The following CPLX2 variants were observed in gnomAD, a reference collection of about 807,000 sequenced individuals.
The protein encoded by CPLX2 is complexin-2.
CPLX2 carries 5 observed loss-of-function variants against 16.3 expected under a neutral mutation model. The observed-to-expected ratio is 0.31, with a 90% CI of 0.16 to 0.64. CPLX2 has a LOEUF of 0.64. CPLX2 is among the 30% of genes least tolerant of loss of function. CPLX2 has a pLI of 0.79. For synonymous variants in CPLX2, 89 were observed against 73.2 expected (o/e 1.22, Z -1.10); for missense variants, 144 against 181.4 (o/e 0.79, Z 1.18).
intron 2 of CPLX2, among the ~76,000 whole-genome samples, chr5:175,810,841 A>C (rs1051794826): frequency 2.0e-5 from 3 of 152,358 alleles, no homozygotes; most frequent in African/African-American, 7.2e-5. Context: ...GAATTCTAAT[A>C]AACTGGTCAG....
chr5:175,867,962 C>T (rs1292477755), upstream of CPLX2, among the ~76,000 whole-genome samples: 2 of 152,232 alleles, frequency 1.3e-5, no homozygotes, highest in Admixed American at 1.3e-4. Flanking sequence ...TGGCCTAGAG[C>T]CCTTCTCTGT....
At chr5:175,842,232 A>G (rs1336075590) in intron 2 of CPLX2, among the ~76,000 whole-genome samples, 2 of 152,214 alleles carry the variant, frequency 1.3e-5, no homozygotes, top group African/African-American at 4.8e-5. Flanking sequence ...TTCAACCGAA[A>G]ACAGCAGGTG....
intron 2 of CPLX2, among the ~76,000 whole-genome samples, chr5:175,821,618 T>G (rs1036995197): frequency 3.9e-5 from 6 of 152,118 alleles, no homozygotes; most frequent in Non-Finnish European, 8.8e-5. Context: ...ATGCTGGCCA[T>G]GCTAGTCATG....
rs1759113280 is a variant in CPLX2 at position 175,849,614 on chromosome 5, G to T, written c.-88-29038G>T. Among the ~76,000 whole-genome samples, 1 of 152,158 alleles carries T rather than the reference G, an allele frequency of 6.6e-6. No homozygotes were observed. The highest frequency in any genetic ancestry group is 2.4e-5 in the African/African-American group (1 of 41,440). Reference sequence around the variant, plus strand: ...CACTGGCTGGGGGAGCCTTCTCAGGGAGAGAAGAGGAGAGGCTCCTGGAGA... The same window carrying T: ...CACTGGCTGGGGGAGCCTTCTCAGGTAGAGAAGAGGAGAGGCTCCTGGAGA... On this transcript the variant is annotated intron_variant, in intron 2 of 4. Transcript: ENST00000359546. This position sits in a 1 kb window ranked among gnomAD's most constrained non-coding sequence, Gnocchi z 4.4.
At chr5:175,850,447 A>C (rs939489737) in intron 2 of CPLX2, among the ~76,000 whole-genome samples, 1 of 152,162 alleles carries the variant, frequency 6.6e-6, no homozygotes. Context: ...CTAGAGCCGC[A>C]CTGGGAAGGA....
At chr5:175,863,121 C>G (rs1365581140) in intron 2 of CPLX2, among the ~76,000 whole-genome samples, 4 of 152,194 alleles carry the variant, frequency 2.6e-5, no homozygotes, top group African/African-American at 9.7e-5. Flanking sequence ...TGCACAAAGG[C>G]CTACCCCAGA....
At chr5:175,825,312 A>G (rs1462866540) in intron 2 of CPLX2, among the ~76,000 whole-genome samples, 1 of 151,576 alleles carries the variant, frequency 6.6e-6, no homozygotes, top group Non-Finnish European at 1.5e-5. Flanking sequence ...AATTGCTTGA[A>G]CCCAGGAGGC....
Position 175,880,202 on chromosome 5 carries a change from C to A in CPLX2, c.*157C>A. 1.3e-6 allele frequency: 1 copy of A among 773,358 alleles called. No homozygotes were observed. Among genetic ancestry groups the A allele is most frequent in the Non-Finnish European group, 2.3e-6 (1 of 437,724 alleles). The allele number at this position is 773,358 out of a possible 1,614,324, so 47.9% of individuals were successfully genotyped here. On this transcript the variant is annotated 3_prime_UTR_variant, in exon 4 of 4. Coordinates refer to ENST00000393745, the MANE Select transcript of CPLX2 (RefSeq NM_001008220.2). ...GGGCTTCTCCCCCTCAGCTCTCCCT[C>A]ACACCTCCCTTCATCCCAGGGTATC...
At chr5:175,841,633 C>T (rs1249118534) in intron 2 of CPLX2, among the ~76,000 whole-genome samples, 1 of 152,168 alleles carries the variant, frequency 6.6e-6, no homozygotes, top group Non-Finnish European at 1.5e-5. Flanking sequence ...AGGTCCCTTA[C>T]CAGCAGGGAC....
intron 2 of CPLX2, among the ~76,000 whole-genome samples, chr5:175,836,254 G>A (rs745997749): frequency 6.6e-6 from 1 of 152,182 alleles, no homozygotes; most frequent in Non-Finnish European, 1.5e-5. Flanking sequence ...GGAGGCTGAG[G>A]CAGGAGAATG....
chr5:175,844,201 G>A (rs527423544), intron 2 of CPLX2, among the ~76,000 whole-genome samples: 129 of 152,332 alleles, frequency 8.5e-4, no homozygotes, highest in African/African-American at 2.8e-3. Context: ...CAAGGAACAC[G>A]CCAAGAGGAA....
intron 2 of CPLX2, among the ~76,000 whole-genome samples, chr5:175,828,030 A>G (rs554641792): frequency 4.8e-4 from 73 of 152,282 alleles, no homozygotes; most frequent in African/African-American, 1.7e-3. Flanking sequence ...TTCACTGCAT[A>G]TGTTTTTCTG....
In CPLX2 at chr5:175,880,810, T is replaced by C. The variant is rs552145509; in HGVS notation, c.*765T>C. ...GCCAGGCTGGGCCCAGCTTGCTCAG[T>C]CAAGGGGCTGCCAGGCCCCCAGAAA... On this transcript the variant is annotated 3_prime_UTR_variant, in exon 4 of 4. Coordinates refer to ENST00000393745, the MANE Select transcript of CPLX2 (RefSeq NM_001008220.2). The C allele has an allele frequency of 5.9e-5, 9 of 153,026 alleles. No homozygotes were observed. Among genetic ancestry groups the C allele is most frequent in the African/African-American group, 2.2e-4 (9 of 41,546 alleles). The allele number at this position is 153,026 out of a possible 1,614,324, so 9.5% of individuals were successfully genotyped here.
intron 2 of CPLX2, among the ~76,000 whole-genome samples, chr5:175,834,824 A>G (rs2113661376): frequency 6.6e-6 from 1 of 152,356 alleles, no homozygotes; most frequent in African/African-American, 2.4e-5. Flanking sequence ...CAGTGAGCTG[A>G]GATCGCACCA....
chr5:175,857,918 C>A (rs1201896139), intron 2 of CPLX2, among the ~76,000 whole-genome samples: 1 of 152,214 alleles, frequency 6.6e-6, no homozygotes, highest in African/African-American at 2.4e-5. Flanking sequence ...CTCTGCCAGA[C>A]ATGGGCATGA....
chr5:175,865,287 T>A (rs1032619171), intron 2 of CPLX2, among the ~76,000 whole-genome samples: 2 of 152,202 alleles, frequency 1.3e-5, no homozygotes, highest in African/African-American at 2.4e-5. Context: ...ACAAGCAAGA[T>A]CTGTTTTGTG....
At chr5:175,806,269 C>T (rs1316385371) in intron 1 of CPLX2, among the ~76,000 whole-genome samples, 1 of 152,118 alleles carries the variant, frequency 6.6e-6, no homozygotes, top group Admixed American at 6.5e-5. Context: ...ATGCATCCCC[C>T]GTGTCTTTGC....
intron 1 of CPLX2, among the ~76,000 whole-genome samples, chr5:175,802,115 G>C (rs1345927320): frequency 4.2e-4 from 64 of 152,198 alleles, no homozygotes; most frequent in Admixed American, 4.2e-3. Context: ...GAAAATATTT[G>C]TGGGGTACAT....
intron 2 of CPLX2, among the ~76,000 whole-genome samples, chr5:175,826,490 G>T (rs1398966652): frequency 1.3e-5 from 2 of 152,192 alleles, no homozygotes; most frequent in South Asian, 2.1e-4. Flanking sequence ...ATCTCTATGA[G>T]AATCAAACTG....
Sources: gnomAD v4.1 joint callset for allele counts (sites outside exome capture counted in the v4.1 genomes callset) on GRCh38, gnomAD v4.1.1 for gene constraint, Gnocchi (gnomAD v3.1) non-coding constraint, MANE v1.5 for transcripts, NCBI Gene and HGNC (gene_info 2026-07-23, HGNC 2026-07-21) for gene names.